The following BCKDHA variants were observed in gnomAD, a reference collection of about 807,000 sequenced individuals.
The protein encoded by BCKDHA is branched chain keto acid dehydrogenase E1 subunit alpha.
In BCKDHA, 43 loss-of-function variants were observed where a neutral mutation model predicts 52.2. The observed-to-expected ratio is 0.82, with a 90% CI of 0.64 to 1.06. The LOEUF (loss-of-function observed/expected upper bound fraction) is 1.06, where lower values mean the gene tolerates loss of function less well. BCKDHA is among the 50% of genes least tolerant of loss of function. The pLI, the probability that BCKDHA is intolerant of heterozygous loss-of-function variation, is 0.00. For missense variants in BCKDHA, 527 were observed against 621.3 expected, an observed-to-expected ratio of 0.85 and a Z score of 1.61; for synonymous variants, 234 against 247.9, an observed-to-expected ratio of 0.94 and a Z score of 0.53.
chr19:41,397,820 T>C lies in BCKDHA; in HGVS notation c.-8T>C. The stretch of plus-strand genomic sequence containing the variant: ...GAGTGCCGGACCGCTGAGTGGTTGT[T>C]AGCCAAGATGGCGGTAGCGATCGCT... On this transcript the variant is annotated 5_prime_UTR_variant, in exon 1 of 9. Coordinates refer to ENST00000269980, the MANE Select transcript of BCKDHA (RefSeq NM_000709.4). The C allele has an allele frequency of 1.2e-6, 2 of 1,614,016 alleles. No homozygotes were observed. The highest frequency in any genetic ancestry group is 1.7e-6 in the Non-Finnish European group (2 of 1,179,944).
intron 1 of BCKDHA, among the ~76,000 whole-genome samples, chr19:41,398,450 T>A (rs1253816220): frequency 6.6e-6 from 1 of 152,120 alleles, no homozygotes; most frequent in African/African-American, 2.4e-5. Flanking sequence ...GTGTAAAAAA[T>A]TTGTTTGATT....
chr19:41,405,486 C>T (rs1308988880), intron 1 of BCKDHA, among the ~76,000 whole-genome samples: 1 of 152,024 alleles, frequency 6.6e-6, no homozygotes, highest in East Asian at 1.9e-4. Flanking sequence ...GCCATGTTAT[C>T]CAGGCTGGTC....
chr19:41,423,256 G>C (rs554816640), intron 8 of BCKDHA, 87 bp downstream of exon 8: 5 of 1,533,266 alleles, frequency 3.3e-6, no homozygotes, highest in Non-Finnish European at 4.4e-6. Flanking sequence ...CGAACTGGGA[G>C]GCTCAGGGAT....
At position 41,422,372 on chromosome 19, in the gene BCKDHA, T is replaced by C. The variant is rs558254502; in HGVS notation, c.853+2T>C. 2 of 1,614,110 alleles carry C rather than the reference T, an allele frequency of 1.2e-6. No homozygotes were observed. Among genetic ancestry groups the C allele is most frequent in the Admixed American group, 3.3e-5 (2 of 60,022 alleles). On this transcript the variant is annotated splice_donor_variant, in intron 6 of 8. Transcript: ENST00000269980. LOFTEE classifies it high-confidence loss of function. ...AGCAGTATCGCGGCGATGGCATTGG[T>C]ATGGGCTCTGCTGGCTGCTCCCCAC...
At position 41,414,111 on chromosome 19, in the gene BCKDHA, C is replaced by T. The variant is rs200947033; in HGVS notation, c.438C>T (p.Ala146=). Residue 146 remains alanine (A), a synonymous_variant, in exon 4 of 9, where the codon GCC becomes GCT. Transcript: ENST00000269980. ...AGGGCACGCACGTGGGGAGTGCCGC[C>T]GCCCTGGACAACACGGACCTGGTGT... ...GEEGTHVGSA[A]ALDNTDLVFG... 1.8e-5 allele frequency: 29 copies of T among 1,613,730 alleles called. No individual in the cohort carries two copies. The highest frequency in any genetic ancestry group is 3.3e-5 in the Admixed American group (2 of 60,022).
At chr19:41,419,789 C>T (rs555221536) in intron 5 of BCKDHA, among the ~76,000 whole-genome samples, 6 of 120,114 alleles carry the variant, frequency 5.0e-5, no homozygotes, top group South Asian at 3.0e-4. Context: ...TGGTCTGAGA[C>T]GGGGTTTCAC....
At chr19:41,418,806 C>T in intron 4 of BCKDHA, 1 of 448,950 alleles carries the variant, frequency 2.2e-6, no homozygotes, top group Non-Finnish European at 4.4e-6. Flanking sequence ...TCTCAAAGTG[C>T]TGGGATTACA....
At chr19:41,420,974 C>A (rs1381694087) in intron 5 of BCKDHA, among the ~76,000 whole-genome samples, 1 of 152,184 alleles carries the variant, frequency 6.6e-6, no homozygotes, top group Non-Finnish European at 1.5e-5. Flanking sequence ...TTGTGTCTCT[C>A]CAGGCCTCAG....
intron 1 of BCKDHA, 87 bp downstream of exon 1, chr19:41,398,022 G>C (rs1476178001): frequency 8.8e-7 from 1 of 1,142,082 alleles, no homozygotes; most frequent in East Asian, 2.5e-5. Context: ...TGAAGGATAT[G>C]AAGGAAGGGC....
chr19:41,417,084 T>C (rs1176273880), intron 4 of BCKDHA, among the ~76,000 whole-genome samples: 1 of 152,158 alleles, frequency 6.6e-6, no homozygotes, highest in Non-Finnish European at 1.5e-5. Context: ...TGATCTCGGC[T>C]CACTGCAACC....
At chr19:41,421,973 T>C (rs2039370649) in intron 5 of BCKDHA, among the ~76,000 whole-genome samples, 191 bp from the exon 6 acceptor site, 1 of 152,070 alleles carries the variant, frequency 6.6e-6, no homozygotes, top group Non-Finnish European at 1.5e-5. Context: ...GTGGAGTTGC[T>C]TTCAGCTGAG....
At chr19:41,419,363 C>T in intron 5 of BCKDHA, 67 bp downstream of exon 5, 6 of 1,542,758 alleles carry the variant, frequency 3.9e-6, no homozygotes, top group Non-Finnish European at 5.3e-6. Flanking sequence ...CAGGCCTCAG[C>T]TCTTTTGCCT....
chr19:41,409,318 G>A (rs2039226671), intron 1 of BCKDHA, among the ~76,000 whole-genome samples: 1 of 152,124 alleles, frequency 6.6e-6, no homozygotes, highest in Admixed American at 6.5e-5. Flanking sequence ...CTTCCCCAGG[G>A]AAGCCTTACC....
intron 4 of BCKDHA, among the ~76,000 whole-genome samples, chr19:41,416,658 G>A (rs938534313): frequency 3.9e-5 from 6 of 152,160 alleles, no homozygotes; most frequent in African/African-American, 1.2e-4. Flanking sequence ...GGTGGCTCAC[G>A]CCTGTAATCC....
At chr19:41,402,765 C>T (rs926241692) in intron 1 of BCKDHA, among the ~76,000 whole-genome samples, 2 of 152,170 alleles carry the variant, frequency 1.3e-5, no homozygotes, top group South Asian at 2.1e-4. Context: ...CTCCCCCTCT[C>T]GAGTAGCTGG....
At chr19:41,399,067 G>A (rs2039108379) in intron 1 of BCKDHA, among the ~76,000 whole-genome samples, 1 of 152,108 alleles carries the variant, frequency 6.6e-6, no homozygotes, top group South Asian at 2.1e-4. Flanking sequence ...GGATTGGTGA[G>A]GCCCTGGGGA....
intron 3 of BCKDHA, among the ~76,000 whole-genome samples, 195 bp from the exon 4 acceptor site, chr19:41,413,854 G>A (rs2039281286): frequency 6.6e-6 from 1 of 152,148 alleles, no homozygotes; most frequent in Non-Finnish European, 1.5e-5. Flanking sequence ...ACAGCAACTC[G>A]ATCCCTCTGG....
chr19:41,404,873 G>A (rs1481697931), intron 1 of BCKDHA, among the ~76,000 whole-genome samples: 3 of 152,180 alleles, frequency 2.0e-5, no homozygotes, highest in Non-Finnish European at 2.9e-5. Flanking sequence ...AATCTGCTGG[G>A]ATTACAGGCA....
At chr19:41,410,108 C>T (rs968425463) in intron 1 of BCKDHA, among the ~76,000 whole-genome samples, 1 of 152,180 alleles carries the variant, frequency 6.6e-6, no homozygotes, top group Admixed American at 6.5e-5. Flanking sequence ...CTCTTAAGAG[C>T]TCAAAGACTT....
Sources: gnomAD v4.1 joint callset for allele counts (sites outside exome capture counted in the v4.1 genomes callset) on GRCh38, gnomAD v4.1.1 for gene constraint, MANE v1.5 for transcripts, NCBI Gene and HGNC (gene_info 2026-07-23, HGNC 2026-07-21) for gene names.